Variants in RPS6KC1 observed in about 807,000 individuals in gnomAD.
RPS6KC1 encodes ribosomal protein S6 kinase C1.
RPS6KC1 carries 54 observed loss-of-function variants against 103.8 expected under a neutral mutation model. The observed-to-expected ratio is 0.52, with a 90% CI of 0.42 to 0.65. The LOEUF (loss-of-function observed/expected upper bound fraction) is 0.65, where lower values mean the gene tolerates loss of function less well. Ranked by LOEUF, RPS6KC1 falls within the 30% of genes least tolerant of loss-of-function variation. The pLI, the probability that RPS6KC1 is intolerant of heterozygous loss-of-function variation, is 0.00. For synonymous variants in RPS6KC1, 439 were observed against 438.7 expected (o/e 1.00, Z -0.01); for missense variants, 1,151 against 1,253.8 (o/e 0.92, Z 1.24).
At chr1:213,219,020 A>C (rs1028529820) in intron 8 of RPS6KC1, among the ~76,000 whole-genome samples, 1 of 152,234 alleles carries the variant, frequency 6.6e-6, no homozygotes. Context: ...ATGGTATCTA[A>C]TTAAACTAAA....
the RPS6KC1 span, among the ~76,000 whole-genome samples, chr1:213,758,578 C>CAAA: frequency 9.8e-6 from 1 of 101,694 alleles, no homozygotes; most frequent in African/African-American, 3.8e-5. Context: ...GACTCTGTCT[C>CAAA]AAAAAAAAAA....
chr1:213,528,557 G>T, the RPS6KC1 span, among the ~76,000 whole-genome samples: 1 of 152,172 alleles, frequency 6.6e-6, no homozygotes, highest in Admixed American at 6.5e-5. Flanking sequence ...TCTTGACACT[G>T]GGGAAAAAGA....
intron 14 of RPS6KC1, among the ~76,000 whole-genome samples, chr1:213,265,107 C>A (rs893473100): frequency 6.6e-6 from 1 of 152,144 alleles, no homozygotes; most frequent in Non-Finnish European, 1.5e-5. Context: ...GTTGCCTATT[C>A]TTCAGGAGAA....
chr1:213,142,021 C>T (rs2087110949), intron 6 of RPS6KC1, among the ~76,000 whole-genome samples: 1 of 151,924 alleles, frequency 6.6e-6, no homozygotes, highest in South Asian at 2.1e-4. Context: ...CTTTATAGGT[C>T]TCTATGAACT....
intron 4 of RPS6KC1, among the ~76,000 whole-genome samples, chr1:213,107,075 G>A (rs1167746414): frequency 6.6e-6 from 1 of 152,034 alleles, no homozygotes; most frequent in Non-Finnish European, 1.5e-5. Context: ...CTGAGTAGTT[G>A]GGATTACAGG....
At chr1:213,268,533 AT>A (rs998608183) in intron 14 of RPS6KC1, among the ~76,000 whole-genome samples, 12 of 148,666 alleles carry the variant, frequency 8.1e-5, no homozygotes, top group South Asian at 2.1e-4. Flanking sequence ...AGACAAAAAA[AT>A]ATATATTTTA....
chr1:213,403,483 G>A, the RPS6KC1 span, among the ~76,000 whole-genome samples: 1 of 152,158 alleles, frequency 6.6e-6, no homozygotes, highest in African/African-American at 2.4e-5. Flanking sequence ...AATGCCTTGT[G>A]ACTTCCCTTT....
chr1:213,541,301 A>G, the RPS6KC1 span, among the ~76,000 whole-genome samples: 5 of 151,324 alleles, frequency 3.3e-5, no homozygotes, highest in African/African-American at 4.9e-5. Flanking sequence ...AACATCAAAG[A>G]TCATTGATCA....
At chr1:213,577,559 G>T in the RPS6KC1 span, among the ~76,000 whole-genome samples, 4 of 152,166 alleles carry the variant, frequency 2.6e-5, no homozygotes, top group African/African-American at 7.2e-5. Flanking sequence ...GAGACTTATC[G>T]AAATGTTTTG....
the RPS6KC1 span, among the ~76,000 whole-genome samples, chr1:213,500,389 G>C: frequency 6.6e-6 from 1 of 152,058 alleles, no homozygotes; most frequent in South Asian, 2.1e-4. Flanking sequence ...CCTTCATTTG[G>C]AATACCTTCC....
At chr1:213,544,133 A>G in the RPS6KC1 span, among the ~76,000 whole-genome samples, 1 of 152,324 alleles carries the variant, frequency 6.6e-6, no homozygotes, top group South Asian at 2.1e-4. Flanking sequence ...AAATGGAAAG[A>G]AACAGAGTAA....
the RPS6KC1 span, among the ~76,000 whole-genome samples, chr1:213,689,258 C>T: frequency 6.6e-6 from 1 of 152,158 alleles, no homozygotes. Flanking sequence ...AATGACGAAG[C>T]TCTGTGTGTA....
chr1:213,411,453 T>G, the RPS6KC1 span, among the ~76,000 whole-genome samples: 38 of 152,170 alleles, frequency 2.5e-4, no homozygotes, highest in Non-Finnish European at 5.1e-4. Context: ...TTTGGGCCTT[T>G]GTAGAGCTCA....
At chr1:213,239,210 C>T (rs912185743) in intron 10 of RPS6KC1, among the ~76,000 whole-genome samples, 4 of 152,022 alleles carry the variant, frequency 2.6e-5, no homozygotes, top group South Asian at 2.1e-4. Flanking sequence ...TGGTGGCACA[C>T]GCCTGTAATC....
chr1:213,057,145 T>C (rs2077398340), intron 1 of RPS6KC1, among the ~76,000 whole-genome samples: 1 of 152,084 alleles, frequency 6.6e-6, no homozygotes, highest in African/African-American at 2.4e-5. Flanking sequence ...TTCACCATGT[T>C]GCCCAGGCTG....
intron 1 of RPS6KC1, among the ~76,000 whole-genome samples, chr1:213,062,393 A>C (rs893162523): frequency 3.9e-5 from 6 of 152,206 alleles, no homozygotes; most frequent in Admixed American, 3.3e-4. Flanking sequence ...CAAAAAAAAT[A>C]CAAAATCTGA....
the RPS6KC1 span, among the ~76,000 whole-genome samples, chr1:213,620,276 A>C: frequency 6.6e-6 from 1 of 152,200 alleles, no homozygotes; most frequent in Non-Finnish European, 1.5e-5. Context: ...ACACTGGGTC[A>C]CTCAATGTTA....
the RPS6KC1 span, among the ~76,000 whole-genome samples, chr1:213,462,119 T>C: frequency 6.6e-6 from 1 of 152,070 alleles, no homozygotes; most frequent in Non-Finnish European, 1.5e-5. Flanking sequence ...AACAGACACT[T>C]CTCAAAAGAC....
At chr1:213,480,154 T>A in the RPS6KC1 span, among the ~76,000 whole-genome samples, 1 of 152,036 alleles carries the variant, frequency 6.6e-6, no homozygotes, top group South Asian at 2.1e-4. Flanking sequence ...TCTGTTGGCA[T>A]TTTGATTGGA....
Sources: allele counts gnomAD v4.1 joint callset (sites outside exome capture counted in the v4.1 genomes callset), GRCh38; gene constraint gnomAD v4.1.1; transcripts MANE v1.5; gene names NCBI Gene and HGNC (gene_info 2026-07-23, HGNC 2026-07-21).